The following BLVRA variants were observed in gnomAD, a reference collection of about 807,000 sequenced individuals.
BLVRA encodes the protein BVR A.
BLVRA carries 22 observed loss-of-function variants against 32.8 expected under a neutral mutation model. The observed-to-expected ratio is 0.67, with a 90% CI of 0.48 to 0.96. The LOEUF (loss-of-function observed/expected upper bound fraction) is 0.96, where lower values mean the gene tolerates loss of function less well. Among genes scored for constraint, BLVRA ranks in the 40% least tolerant of loss-of-function variants. The pLI is 0.00. For missense variants in BLVRA, 323 were observed against 358.1 expected (o/e 0.90, Z 0.79); for synonymous variants, 119 against 141.3 (o/e 0.84, Z 1.12).
At chr7:43,788,076 C>A in intron 3 of BLVRA, 51 bp downstream of exon 3, 1 of 1,613,876 alleles carries the variant, frequency 6.2e-7, no homozygotes, top group South Asian at 1.1e-5. Flanking sequence ...CCCAGTGAGG[C>A]GGATTAGCTG....
At chr7:43,806,574 T>C (rs1414160753) in intron 7 of BLVRA, among the ~76,000 whole-genome samples, 2 of 151,746 alleles carry the variant, frequency 1.3e-5, no homozygotes, top group African/African-American at 4.8e-5. Flanking sequence ...AAACCCCATT[T>C]CTACTAAAAA....
intron 5 of BLVRA, among the ~76,000 whole-genome samples, chr7:43,793,859 C>T (rs548867194): frequency 2.8e-4 from 42 of 151,276 alleles, no homozygotes; most frequent in African/African-American, 4.6e-4. Flanking sequence ...CCTGACCTCG[C>T]GATCCACCCA....
Position 43,773,869 on chromosome 7 carries a change from T to A in BLVRA, c.12+2699T>A, listed in dbSNP as rs1292451933. On this transcript the variant is annotated intron_variant, in intron 2 of 7. Coordinates refer to ENST00000265523, the MANE Select transcript of BLVRA (RefSeq NM_000712.4). ...GATGGCATCTTATTGTGGTTTTGAT[T>A]TGCATTTCTCTGATGGCCAGTGATG... Among the ~76,000 whole-genome samples the A allele has an allele frequency of 8.5e-5, 13 of 152,348 alleles. No homozygotes were observed. The South Asian group carries it at 2.7e-3, about 32-fold the overall frequency.
chr7:43,806,928 T>G (rs747065418), intron 7 of BLVRA, 49 bp from the exon 8 acceptor site: 3 of 1,610,608 alleles, frequency 1.9e-6, no homozygotes, highest in Non-Finnish European at 2.5e-6. Context: ...CACCCACTTG[T>G]GCTCTTGTGT....
At chr7:43,802,934 G>A (rs1639506336) in intron 6 of BLVRA, among the ~76,000 whole-genome samples, 1 of 152,064 alleles carries the variant, frequency 6.6e-6, no homozygotes, top group Admixed American at 6.6e-5. Flanking sequence ...TAGAGACGGG[G>A]TTTTGCCATG....
At chr7:43,766,096 TG>T (rs368724471) in intron 1 of BLVRA, among the ~76,000 whole-genome samples, 3 of 152,336 alleles carry the variant, frequency 2.0e-5, no homozygotes, top group African/African-American at 7.2e-5. Context: ...CAGACCAGCC[TG>T]GCCAACATGG....
intron 2 of BLVRA, among the ~76,000 whole-genome samples, chr7:43,774,494 C>A (rs2095758362): frequency 6.6e-6 from 1 of 152,130 alleles, no homozygotes. Context: ...TTCCATTGAT[C>A]TATATCTCTG....
intron 1 of BLVRA, among the ~76,000 whole-genome samples, chr7:43,768,548 T>G (rs77499720): frequency 7.8e-4 from 118 of 152,240 alleles, no homozygotes; most frequent in African/African-American, 2.8e-3. Context: ...CTTTTTTTTT[T>G]GCCAGGGTTC....
chr7:43,791,347 C>CAGATG lies in BLVRA; in HGVS notation c.233_234insAGATG (p.Ser79AspfsTer24). ...GTCGCCTATATCTGCAGTGAGAGCT[C>CAGATG]CAGCCATGAGGACTACATCAGGTGG... On this transcript the variant is annotated frameshift_variant, in exon 4 of 8. Coordinates refer to ENST00000265523, the MANE Select transcript of BLVRA (RefSeq NM_000712.4). LOFTEE classifies it high-confidence loss of function. 6.2e-7 allele frequency: 1 copy of CAGATG among 1,614,158 alleles called. No individual in the cohort carries two copies. The highest frequency in any genetic ancestry group is 8.5e-7 in the Non-Finnish European group (1 of 1,180,020).
chr7:43,801,919 G>A (rs1298038145), intron 6 of BLVRA, among the ~76,000 whole-genome samples: 4 of 152,086 alleles, frequency 2.6e-5, no homozygotes, highest in Admixed American at 6.6e-5. Flanking sequence ...TGGATCACCT[G>A]AGGTCAGGAG....
intron 2 of BLVRA, among the ~76,000 whole-genome samples, chr7:43,781,644 T>C (rs1357235799): frequency 6.6e-6 from 1 of 152,242 alleles, no homozygotes; most frequent in East Asian, 1.9e-4. Context: ...CAGCCTGATA[T>C]ACTTTTAATG....
chr7:43,760,861 T>G (rs1314903048), intron 1 of BLVRA, among the ~76,000 whole-genome samples: 2 of 149,708 alleles, frequency 1.3e-5, no homozygotes, highest in Non-Finnish European at 3.0e-5. Flanking sequence ...CTCCGCCCCC[T>G]GGGTTCAAGT....
intron 5 of BLVRA, among the ~76,000 whole-genome samples, chr7:43,797,595 C>T (rs1322507505): frequency 3.9e-5 from 6 of 152,210 alleles, no homozygotes; most frequent in South Asian, 4.1e-4. Flanking sequence ...TGCATGTAAC[C>T]GCATACAACC....
intron 3 of BLVRA, among the ~76,000 whole-genome samples, chr7:43,789,549 C>T (rs2095782866): frequency 1.3e-5 from 2 of 152,196 alleles, no homozygotes; most frequent in Admixed American, 6.5e-5. Flanking sequence ...GGACCACACA[C>T]AGCACTTGGG....
chr7:43,779,420 C>T (rs926153586), intron 2 of BLVRA, among the ~76,000 whole-genome samples: 2 of 152,302 alleles, frequency 1.3e-5, no homozygotes, highest in East Asian at 1.9e-4. Context: ...TATTATATAC[C>T]GAAATGAGTC....
chr7:43,767,460 C>A lies in BLVRA; in HGVS notation c.-21-3678C>A, dbSNP rs889532842. 2.0e-6 allele frequency: 3 copies of A among 1,470,694 alleles called. No homozygotes were observed. The African/African-American group carries it at 4.2e-5, about 20-fold the overall frequency. The allele number at this position is 1,470,694 out of a possible 1,614,324, so 91.1% of individuals were successfully genotyped here. A position where few individuals can be genotyped will look rare whatever the true frequency, so the allele number is the denominator to read the frequency against. On this transcript the variant is annotated intron_variant, in intron 1 of 7. Transcript: ENST00000265523. ...ACTAAATCTTATATATCTGGAGGCG[C>A]CCTTGGGATATCCAATAAGGACAGC...
rs57266558 is a variant in BLVRA, at chr7:43,759,988, A to ATTTTTTTT, written c.-22+1268_-22+1275dup. Reference sequence around the variant, plus strand: ...TGTGTTTTCCCACATTTCATATGTAATTTTTTTTTTTTTTTTTTTTTGAGA... The same window carrying ATTTTTTTT: ...TGTGTTTTCCCACATTTCATATGTAATTTTTTTTTTTTTTTTTTTTTTTTTTTTTGAGA... On this transcript the variant is annotated intron_variant, in intron 1 of 7. Coordinates refer to ENST00000265523, the MANE Select transcript of BLVRA (RefSeq NM_000712.4). The ATTTTTTTT allele has an allele frequency of 4.4e-3, 531 of 121,968 alleles. 12 individuals carry two copies. Among genetic ancestry groups the ATTTTTTTT allele is most frequent in the African/African-American group, 0.016 (498 of 30,556 alleles). The allele number at this position is 121,968 out of a possible 1,614,324, so 7.6% of individuals were successfully genotyped here.
chr7:43,776,248 A>G (rs371024171), intron 2 of BLVRA, among the ~76,000 whole-genome samples: 1 of 152,090 alleles, frequency 6.6e-6, no homozygotes, highest in Middle Eastern at 3.2e-3. Context: ...TGTCAATTTT[A>G]GATCTTTCCT....
At chr7:43,796,320 A>C (rs2095792857) in intron 5 of BLVRA, among the ~76,000 whole-genome samples, 1 of 152,172 alleles carries the variant, frequency 6.6e-6, no homozygotes, top group Non-Finnish European at 1.5e-5. Flanking sequence ...AGTAGCATAT[A>C]ACCTACTAAG....
Sources: allele counts gnomAD v4.1 joint callset (sites outside exome capture counted in the v4.1 genomes callset), GRCh38; gene constraint gnomAD v4.1.1; transcripts MANE v1.5; gene names NCBI Gene and HGNC (gene_info 2026-07-23, HGNC 2026-07-21).